Variants in TMEM38A observed in about 807,000 individuals in gnomAD.
TMEM38A encodes transmembrane protein 38A, also known as trimeric intracellular cation channel type A.
A neutral mutation model predicts 28.6 loss-of-function variants in TMEM38A; 17 were observed. The observed-to-expected ratio is 0.60, with a 90% CI of 0.41 to 0.89. The LOEUF (loss-of-function observed/expected upper bound fraction) is 0.89. Ranked by LOEUF, TMEM38A falls within the 40% of genes least tolerant of loss-of-function variation. The pLI, the probability that TMEM38A is intolerant of heterozygous loss-of-function variation, is 0.00. For synonymous variants in TMEM38A, 169 were observed against 166.1 expected, an observed-to-expected ratio of 1.02 and a Z score of -0.14; for missense variants, 328 against 393.1, an observed-to-expected ratio of 0.83 and a Z score of 1.40.
intron 4 of TMEM38A, among the ~76,000 whole-genome samples, chr19:16,682,925 G>A (rs890489300): frequency 6.6e-6 from 1 of 152,156 alleles, no homozygotes; most frequent in Non-Finnish European, 1.5e-5. Flanking sequence ...CCAGGTGACA[G>A]CATCCAAGAC....
chr19:16,667,026 T>C (rs2086706115), intron 1 of TMEM38A, among the ~76,000 whole-genome samples: 1 of 151,116 alleles, frequency 6.6e-6, no homozygotes, highest in East Asian at 1.9e-4. Flanking sequence ...CCTAACACTT[T>C]GGGAGGCCGA....
At chr19:16,678,028 G>A (rs2086760118) in intron 1 of TMEM38A, among the ~76,000 whole-genome samples, 1 of 152,174 alleles carries the variant, frequency 6.6e-6, no homozygotes, top group Non-Finnish European at 1.5e-5. Context: ...AGGCGATGGG[G>A]GATGAGGAGT....
At chr19:16,671,167 A>G (rs1003112814) in intron 1 of TMEM38A, among the ~76,000 whole-genome samples, 2 of 150,484 alleles carry the variant, frequency 1.3e-5, no homozygotes, top group Non-Finnish European at 2.9e-5. Context: ...CATCAAGAGA[A>G]ACCAAGGAGT....
Position 16,682,423 on chromosome 19 carries a change from T to C in TMEM38A, c.469T>C (p.Ser157Pro). The C allele has an allele frequency of 6.2e-7, 1 of 1,613,922 alleles. No homozygotes were observed. The change falls in exon 4 of 6, where the codon TCT (serine) becomes CCT (proline). Residue 157 changes from serine to proline, a missense_variant and splice_region_variant. Physicochemically the swap from Ser to Pro is moderately conservative, Grantham distance 74. Coordinates refer to ENST00000187762, the MANE Select transcript of TMEM38A (RefSeq NM_024074.4). ...VMIATGWVKG[S>P]GVALMSNFEQ... Reference sequence around the variant, plus strand: ...TTCAGAAGCACCCTGTCCTGTAGGTTCTGGTGTCGCCCTCATGTCCAACTT... The same window carrying C: ...TTCAGAAGCACCCTGTCCTGTAGGTCCTGGTGTCGCCCTCATGTCCAACTT...
In TMEM38A at chr19:16,680,421, G is replaced by A; in HGVS notation, c.306G>A (p.Leu102=). The A allele has an allele frequency of 1.2e-6, 2 of 1,614,102 alleles. No homozygotes were observed. ...GGTACTTGATTTTCTTCTGCCCCCT[G>A]GACCTCTTCTACAAGTGTGTCTGCT... ...AVWYLIFFCP[L]DLFYKCVCFL... The change falls in exon 3 of 6, where the codon CTG becomes CTA. Residue 102 remains leucine, a synonymous_variant. Transcript: ENST00000187762.
rs999480517 is a variant in TMEM38A at position 16,688,489 on chromosome 19, G to A, written c.*118G>A. On this transcript the variant is annotated 3_prime_UTR_variant, in exon 6 of 6. Coordinates refer to ENST00000187762, the MANE Select transcript of TMEM38A (RefSeq NM_024074.4). ...TTGACTTCCCCATCTGCAAATCAGG[G>A]TCATTGGCTCACCCTCCAGGGCTGA... 1.6e-5 allele frequency: 13 copies of A among 814,030 alleles called. No homozygotes were observed. Among genetic ancestry groups the A allele is most frequent in the Non-Finnish European group, 2.3e-5 (13 of 571,842 alleles). 50.4% of individuals were successfully genotyped at this position (814,030 alleles called of 1,614,324 possible). A position where few individuals can be genotyped will look rare whatever the true frequency, so the allele number is the denominator to read the frequency against.
At chr19:16,685,609 C>T (rs2086798526) in intron 4 of TMEM38A, among the ~76,000 whole-genome samples, 1 of 152,182 alleles carries the variant, frequency 6.6e-6, no homozygotes, top group Non-Finnish European at 1.5e-5. Context: ...TAGCTAACCA[C>T]CTGTGTGGCT....
At chr19:16,663,367 C>T (rs2086690329) in intron 1 of TMEM38A, among the ~76,000 whole-genome samples, 1 of 151,898 alleles carries the variant, frequency 6.6e-6, no homozygotes, top group Non-Finnish European at 1.5e-5. Context: ...GGTCTCCAAG[C>T]TGCCTGGGAA....
intron 5 of TMEM38A, among the ~76,000 whole-genome samples, chr19:16,686,921 C>A (rs572198915): frequency 9.2e-5 from 14 of 152,242 alleles, no homozygotes; most frequent in African/African-American, 3.4e-4. Flanking sequence ...AAGGGAGAGG[C>A]AAGCAGATGG....
At chr19:16,677,012 C>T (rs1253768869) in intron 1 of TMEM38A, among the ~76,000 whole-genome samples, 8 of 151,038 alleles carry the variant, frequency 5.3e-5, no homozygotes, top group African/African-American at 2.4e-5. Flanking sequence ...CCACCCACCT[C>T]GCCCTCCCAA....
intron 1 of TMEM38A, among the ~76,000 whole-genome samples, chr19:16,677,682 G>A (rs567533798): frequency 1.1e-4 from 17 of 151,416 alleles, no homozygotes; most frequent in African/African-American, 3.6e-4. Context: ...TCAGCTTCCC[G>A]AGTAGCTGGG....
Position 16,661,520 on chromosome 19 carries a change from C to T in TMEM38A, c.124+179C>T, listed in dbSNP as rs895711165. 1.3e-5 allele frequency among the ~76,000 whole-genome samples: 2 copies of T among 151,852 alleles called. No homozygotes were observed. Among genetic ancestry groups the T allele is most frequent in the Non-Finnish European group, 2.9e-5 (2 of 67,962 alleles). On this transcript the variant is annotated intron_variant, in intron 1 of 5. Transcript: ENST00000187762. The surrounding 1 kb of genome is among the most constrained non-coding windows in gnomAD (Gnocchi z 6.5). ...TGGGGTTCTCTCACGCCGGGGTGAG[C>T]CCGGGGGAGAAGCCCCCAGGACGAT...
Position 16,675,858 on chromosome 19 carries a change from G to A in TMEM38A, c.125-4126G>A, listed in dbSNP as rs560611529. Among the ~76,000 whole-genome samples, 79 of 151,828 alleles carry A rather than the reference G, an allele frequency of 5.2e-4. No individual in the cohort carries two copies. In the South Asian group the frequency reaches 8.8e-3, roughly 17 times the overall value. ...CACCATTTATAAAGGCTCTAACCCC[G>A]TTCGTGAGGGGTCTACCCTGGTGAC... On this transcript the variant is annotated intron_variant, in intron 1 of 5. Transcript: ENST00000187762.
intron 1 of TMEM38A, among the ~76,000 whole-genome samples, chr19:16,674,172 G>T (rs1261304657): frequency 6.6e-6 from 1 of 151,762 alleles, no homozygotes; most frequent in East Asian, 1.9e-4. Context: ...ATCACCTGAG[G>T]TCAGGAGTTC....
chr19:16,684,141 CAGAGAGAG>C (rs10687050), intron 4 of TMEM38A, among the ~76,000 whole-genome samples: 1 of 147,666 alleles, frequency 6.8e-6, no homozygotes, highest in Non-Finnish European at 1.5e-5. Context: ...AAGAAAGAAA[CAGAGAGAG>C]AGAGAGAGAG....
At chr19:16,680,681 CA>C in intron 3 of TMEM38A, 100 bp downstream of exon 3, 1 of 1,259,780 alleles carries the variant, frequency 7.9e-7, no homozygotes, top group Non-Finnish European at 1.1e-6. Flanking sequence ...GCTCCAGGCA[CA>C]GGGGCATAAA....
In TMEM38A at chr19:16,688,383, AG is replaced by A; in HGVS notation, c.*16del. On this transcript the variant is annotated 3_prime_UTR_variant, in exon 6 of 6. Coordinates refer to ENST00000187762, the MANE Select transcript of TMEM38A (RefSeq NM_024074.4). ...AGAAGGCGGATTAGGGGGTGGCCCA[AG>A]GGGCACCGGGGAGAGGACCCGGACC... is the stretch of plus-strand genomic sequence containing the variant. The A allele has an allele frequency of 6.4e-7, 1 of 1,554,304 alleles. No individual in the cohort carries two copies.
chr19:16,667,443 G>T (rs2086708150), intron 1 of TMEM38A, among the ~76,000 whole-genome samples: 1 of 152,184 alleles, frequency 6.6e-6, no homozygotes, highest in East Asian at 1.9e-4. Flanking sequence ...CTGCAAAACT[G>T]AAGAAATGAG....
At chr19:16,675,818 A>G (rs2086748423) in intron 1 of TMEM38A, among the ~76,000 whole-genome samples, 1 of 152,028 alleles carries the variant, frequency 6.6e-6, no homozygotes, top group South Asian at 2.1e-4. Context: ...AAGTGCTGGG[A>G]TGACAGGCGT....
Sources: allele counts gnomAD v4.1 joint callset (sites outside exome capture counted in the v4.1 genomes callset), GRCh38; gene constraint gnomAD v4.1.1; non-coding constraint Gnocchi (gnomAD v3.1); transcripts MANE v1.5; gene names NCBI Gene and HGNC (gene_info 2026-07-23, HGNC 2026-07-21).